The following NR6A1 variants were observed in gnomAD, a reference collection of about 807,000 sequenced individuals.
NR6A1 encodes retinoic acid receptor-related testis-associated receptor.
A neutral mutation model predicts 59.1 loss-of-function variants in NR6A1; 7 were observed. The ratio of observed to expected loss-of-function variants is 0.12; its 90% confidence interval spans 0.07 to 0.22. The LOEUF (loss-of-function observed/expected upper bound fraction) is 0.22. Among genes scored for constraint, NR6A1 ranks in the 10% least tolerant of loss-of-function variants. The probability of loss-of-function intolerance (pLI) is 1.00; values close to 1 mark genes in which losing one functional copy is unlikely to be tolerated. For missense variants in NR6A1, 468 were observed against 611.6 expected, an observed-to-expected ratio of 0.77 and a Z score of 2.48; for synonymous variants, 243 against 236.1, an observed-to-expected ratio of 1.03 and a Z score of -0.27.
intron 2 of NR6A1, among the ~76,000 whole-genome samples, chr9:124,679,078 T>C (rs1221670660): frequency 6.6e-6 from 1 of 152,182 alleles, no homozygotes; most frequent in African/African-American, 2.4e-5. Flanking sequence ...ATGTGGCTTA[T>C]AAAGAACTTA....
intron 1 of NR6A1, among the ~76,000 whole-genome samples, chr9:124,762,354 T>C (rs943388505): frequency 1.3e-5 from 2 of 152,136 alleles, no homozygotes; most frequent in South Asian, 2.1e-4. Flanking sequence ...CAATAAAACA[T>C]AAAAATTAGA....
At chr9:124,636,167 T>C (rs1836605309) in intron 2 of NR6A1, among the ~76,000 whole-genome samples, 1 of 152,266 alleles carries the variant, frequency 6.6e-6, no homozygotes, top group Non-Finnish European at 1.5e-5. Context: ...TGGTGAGGTA[T>C]CTGTTAAGGC....
At chr9:124,702,971 G>A (rs148155904) in intron 2 of NR6A1, among the ~76,000 whole-genome samples, 16 of 151,528 alleles carry the variant, frequency 1.1e-4, no homozygotes, top group Non-Finnish European at 2.2e-4. Context: ...TACAGTCTCA[G>A]TTCACTGCAC....
intron 2 of NR6A1, among the ~76,000 whole-genome samples, chr9:124,606,242 T>C (rs1466001573): frequency 6.6e-6 from 1 of 152,202 alleles, no homozygotes; most frequent in African/African-American, 2.4e-5. Flanking sequence ...AGGCATGACA[T>C]CTTCTATGAA....
intron 2 of NR6A1, among the ~76,000 whole-genome samples, chr9:124,724,880 T>G (rs766776415): frequency 3.9e-5 from 6 of 152,218 alleles, no homozygotes; most frequent in Non-Finnish European, 5.9e-5. Flanking sequence ...CCTAGAAAGC[T>G]GACAGCCTTT....
intron 1 of NR6A1, among the ~76,000 whole-genome samples, chr9:124,756,835 CA>C (rs1840644966): frequency 1.3e-5 from 2 of 152,210 alleles, no homozygotes; most frequent in South Asian, 2.1e-4. Flanking sequence ...TTTTTAGAGG[CA>C]ACCAGAGAAG....
intron 2 of NR6A1, among the ~76,000 whole-genome samples, chr9:124,621,168 C>T (rs1326094040): frequency 6.6e-6 from 1 of 152,158 alleles, no homozygotes; most frequent in Non-Finnish European, 1.5e-5. Context: ...AAAGTATACT[C>T]CTTTTTAAAA....
At chr9:124,759,971 T>G (rs1419278259) in intron 1 of NR6A1, among the ~76,000 whole-genome samples, 2 of 147,484 alleles carry the variant, frequency 1.4e-5, no homozygotes, top group Non-Finnish European at 1.5e-5. Context: ...ACCCAGGAGG[T>G]AGAGGTTGCA....
At position 124,755,557 on chromosome 9, in the gene NR6A1, T is replaced by C. The variant is rs572633967; in HGVS notation, c.100+15463A>G. Among the ~76,000 whole-genome samples the C allele has an allele frequency of 4.6e-5, 7 of 152,320 alleles. No homozygotes were observed. The East Asian group carries it at 1.3e-3, about 29-fold the overall frequency. On this transcript the variant is annotated intron_variant, in intron 1 of 9. Transcript: ENST00000487099. The stretch of plus-strand genomic sequence containing the variant: ...CATTTATGATGCTGGAAGACATGTC[T>C]TATCTGACCTACTGACACATAAAAC...
chr9:124,743,945 G>A (rs1042086873), intron 1 of NR6A1, among the ~76,000 whole-genome samples: 4 of 152,308 alleles, frequency 2.6e-5, no homozygotes, highest in South Asian at 4.1e-4. Flanking sequence ...GAAATTTCAA[G>A]GCCAGGCACA....
At chr9:124,641,415 AG>A (rs1836764835) in intron 2 of NR6A1, among the ~76,000 whole-genome samples, 1 of 152,044 alleles carries the variant, frequency 6.6e-6, no homozygotes, top group Admixed American at 6.6e-5. Flanking sequence ...AACTTTGAAA[AG>A]AAGAGGCCAG....
intron 2 of NR6A1, among the ~76,000 whole-genome samples, chr9:124,622,835 G>A (rs1836117520): frequency 6.6e-6 from 1 of 152,120 alleles, no homozygotes; most frequent in Non-Finnish European, 1.5e-5. Flanking sequence ...CAGAGGTGTA[G>A]ATCCTGCACA....
At chr9:124,599,684 T>G in intron 2 of NR6A1, 6 of 838,798 alleles carry the variant, frequency 7.2e-6, no homozygotes, top group South Asian at 1.8e-5. Context: ...GGCCATGAAG[T>G]CCAAATTATG....
chr9:124,619,589 C>A (rs1047447550), intron 2 of NR6A1, among the ~76,000 whole-genome samples: 3 of 151,360 alleles, frequency 2.0e-5, no homozygotes, highest in Non-Finnish European at 4.4e-5. Context: ...TTTAAAAAAA[C>A]TGCATGTTTG....
intron 2 of NR6A1, among the ~76,000 whole-genome samples, chr9:124,628,438 G>A (rs1271705083): frequency 1.3e-5 from 2 of 152,134 alleles, no homozygotes; most frequent in African/African-American, 4.8e-5. Context: ...GGGCCTCGCA[G>A]GTTCAAGCAA....
intron 2 of NR6A1, among the ~76,000 whole-genome samples, chr9:124,720,877 G>T (rs2131095550): frequency 6.6e-6 from 1 of 152,238 alleles, no homozygotes; most frequent in East Asian, 1.9e-4. Flanking sequence ...TAACACAGAA[G>T]GTTTTCTCTT....
chr9:124,620,840 T>C (rs1185527924), intron 2 of NR6A1, among the ~76,000 whole-genome samples: 1 of 151,808 alleles, frequency 6.6e-6, no homozygotes, highest in Non-Finnish European at 1.5e-5. Context: ...AAAAGATACA[T>C]CCTTACAAAA....
intron 1 of NR6A1, among the ~76,000 whole-genome samples, chr9:124,765,993 A>G (rs1423815182): frequency 1.3e-5 from 2 of 152,180 alleles, no homozygotes; most frequent in Admixed American, 1.3e-4. Flanking sequence ...TCTTTTTCTT[A>G]AAGACAAGCC....
intron 7 of NR6A1, among the ~76,000 whole-genome samples, chr9:124,531,132 C>G (rs1833086790): frequency 6.6e-6 from 1 of 152,176 alleles, no homozygotes; most frequent in Non-Finnish European, 1.5e-5. Flanking sequence ...GTTTCCTGAG[C>G]CTTATAGTTA....
Sources: allele counts gnomAD v4.1 joint callset (sites outside exome capture counted in the v4.1 genomes callset), GRCh38; gene constraint gnomAD v4.1.1; transcripts MANE v1.5; gene names NCBI Gene and HGNC (gene_info 2026-07-23, HGNC 2026-07-21).